KMT2C: variants seen among roughly 807,000 people sequenced by gnomAD.
KMT2C encodes histone-lysine N-methyltransferase 2C.
A neutral mutation model predicts 507.9 loss-of-function variants in KMT2C; 88 were observed. That is an observed-to-expected ratio of 0.17 (90% CI 0.15 to 0.21). KMT2C has a LOEUF of 0.21. Among genes scored for constraint, KMT2C ranks in the 10% least tolerant of loss-of-function variants. The pLI is 1.00. For missense variants in KMT2C, 4,954 were observed against 5,957.8 expected, an observed-to-expected ratio of 0.83 and a Z score of 5.55; for synonymous variants, 2,049 against 2,080.8, an observed-to-expected ratio of 0.98 and a Z score of 0.42.
At chr7:152,327,909 G>A (rs2096844075) in intron 3 of KMT2C, among the ~76,000 whole-genome samples, 1 of 142,198 alleles carries the variant, frequency 7.0e-6, no homozygotes, top group Admixed American at 7.6e-5. Context: ...AGTGAGCCAA[G>A]ATCGCGCCAC....
intron 4 of KMT2C, among the ~76,000 whole-genome samples, chr7:152,314,463 A>C (rs147057019): frequency 2.7e-4 from 41 of 152,196 alleles, no homozygotes; most frequent in Middle Eastern, 3.4e-3. Context: ...ATTTTAAACT[A>C]TATCAGACAA....
intron 55 of KMT2C, among the ~76,000 whole-genome samples, chr7:152,141,479 G>T (rs184512882): frequency 5.2e-4 from 79 of 151,670 alleles, no homozygotes; most frequent in African/African-American, 1.7e-3. Flanking sequence ...GGAGGCAGAG[G>T]TGGGCGGGTC....
chr7:152,199,221 G>C (rs963072330), intron 27 of KMT2C, 58 bp downstream of exon 27: 2 of 1,353,596 alleles, frequency 1.5e-6, no homozygotes, highest in African/African-American at 3.1e-5. Context: ...AGATTTAACT[G>C]AAAGGAAGAT....
At chr7:152,259,440 ACACG>A (rs879395765) in intron 9 of KMT2C, among the ~76,000 whole-genome samples, 8 of 108,120 alleles carry the variant, frequency 7.4e-5, no homozygotes, top group Non-Finnish European at 1.2e-4. Flanking sequence ...ACAGACACAC[ACACG>A]CGCACACACA....
intron 16 of KMT2C, among the ~76,000 whole-genome samples, chr7:152,233,897 C>T (rs1219830537): frequency 6.6e-6 from 1 of 152,210 alleles, no homozygotes; most frequent in Non-Finnish European, 1.5e-5. Flanking sequence ...GTAATCCCAG[C>T]ACTTTGGGAG....
intron 2 of KMT2C, among the ~76,000 whole-genome samples, chr7:152,354,137 G>A (rs954563901): frequency 1.3e-5 from 2 of 152,012 alleles, no homozygotes; most frequent in African/African-American, 2.4e-5. Context: ...AGTAAAGCCA[G>A]GTTAAAAAAA....
At chr7:152,220,855 T>A in intron 22 of KMT2C, 120 bp from the exon 23 acceptor site, 1 of 678,584 alleles carries the variant, frequency 1.5e-6, no homozygotes, top group South Asian at 1.9e-5. Flanking sequence ...CAATTACGTA[T>A]CTATGAAATG....
intron 1 of KMT2C, among the ~76,000 whole-genome samples, chr7:152,413,427 T>C (rs954423061): frequency 3.9e-5 from 6 of 152,158 alleles, no homozygotes; most frequent in African/African-American, 1.4e-4. Context: ...AATTTTTAAA[T>C]ATCATTCCAA....
chr7:152,372,601 A>C (rs2097300767), intron 1 of KMT2C, among the ~76,000 whole-genome samples: 1 of 152,206 alleles, frequency 6.6e-6, no homozygotes, highest in Non-Finnish European at 1.5e-5. Flanking sequence ...TCCTTACATA[A>C]AATAAAATAG....
intron 1 of KMT2C, among the ~76,000 whole-genome samples, chr7:152,420,238 A>G (rs1167739826): frequency 6.6e-6 from 1 of 152,212 alleles, no homozygotes; most frequent in Non-Finnish European, 1.5e-5. Flanking sequence ...TGTACTTTGA[A>G]AGGAAGAGAT....
At chr7:152,428,716 G>A (rs1340998390) in intron 1 of KMT2C, among the ~76,000 whole-genome samples, 1 of 151,896 alleles carries the variant, frequency 6.6e-6, no homozygotes, top group Non-Finnish European at 1.5e-5. Context: ...GCAACCATCA[G>A]CCAGAATTCT....
At chr7:152,191,006 GAAGA>G (rs1194441817) in intron 31 of KMT2C, among the ~76,000 whole-genome samples, 9 of 152,110 alleles carry the variant, frequency 5.9e-5, no homozygotes, top group South Asian at 4.1e-4. Flanking sequence ...CCTTTAAAAG[GAAGA>G]AAGATAAGAA....
chr7:152,198,745 T>C (rs1027808709), intron 27 of KMT2C, among the ~76,000 whole-genome samples: 6 of 152,140 alleles, frequency 3.9e-5, no homozygotes, highest in African/African-American at 1.4e-4. Context: ...TTTTTGATCA[T>C]CATGAGGCCA....
At chr7:152,205,636 G>A (rs1236767587) in intron 24 of KMT2C, among the ~76,000 whole-genome samples, 1 of 152,124 alleles carries the variant, frequency 6.6e-6, no homozygotes, top group Non-Finnish European at 1.5e-5. Flanking sequence ...GATTATAATG[G>A]AGCTGAAAAA....
At chr7:152,400,296 A>G (rs2097564584) in intron 1 of KMT2C, among the ~76,000 whole-genome samples, 1 of 152,132 alleles carries the variant, frequency 6.6e-6, no homozygotes, top group Admixed American at 6.6e-5. Flanking sequence ...GCAACAGAGC[A>G]AGACTCCGTC....
rs1397325454 is a variant in KMT2C, at chr7:152,144,881, C to T, written c.14175G>A (p.Arg4725=). 5 of 1,607,566 alleles carry T rather than the reference C, an allele frequency of 3.1e-6. No homozygotes were observed. The highest frequency in any genetic ancestry group is 1.7e-5 in the Admixed American group (1 of 59,556). ...TGCTGGTGCTGTTTAAGGTGTGAGG[C>T]CTGCAGACAATGGCATATCAACAGG... ...MSAHVKRFVL[R]PHTLNSTSTS... is the part of the protein sequence containing the mutation. Residue 4725 remains arginine, a splice_region_variant and synonymous_variant, in exon 55 of 59, where the codon AGG becomes AGA. Coordinates refer to ENST00000262189, the MANE Select transcript of KMT2C (RefSeq NM_170606.3). The surrounding 1 kb of genome is among the most constrained non-coding windows in gnomAD (Gnocchi z 4.4).
chr7:152,209,075 C>T (rs192059880), intron 23 of KMT2C, among the ~76,000 whole-genome samples: 2 of 151,010 alleles, frequency 1.3e-5, no homozygotes, highest in African/African-American at 4.9e-5. Flanking sequence ...AGGAGAATTG[C>T]TTGAACCTGG....
chr7:152,391,281 C>T (rs1295696078), intron 1 of KMT2C, among the ~76,000 whole-genome samples: 1 of 151,474 alleles, frequency 6.6e-6, no homozygotes, highest in East Asian at 1.9e-4. Context: ...CTCTGCCACC[C>T]AGGCTGAAGT....
chr7:152,264,524 G>A (rs2095831189), intron 8 of KMT2C, among the ~76,000 whole-genome samples: 1 of 152,162 alleles, frequency 6.6e-6, no homozygotes, highest in Non-Finnish European at 1.5e-5. Flanking sequence ...TTAGAGAGAT[G>A]CAGATGTACA....
Sources: gnomAD v4.1 joint callset for allele counts (sites outside exome capture counted in the v4.1 genomes callset) on GRCh38, gnomAD v4.1.1 for gene constraint, Gnocchi (gnomAD v3.1) non-coding constraint, MANE v1.5 for transcripts, NCBI Gene and HGNC (gene_info 2026-07-23, HGNC 2026-07-21) for gene names.